MACROD2: variants seen among roughly 807,000 people sequenced by gnomAD.
MACROD2 encodes mono-ADP ribosylhydrolase 2, also known as ADP-ribose glycohydrolase MACROD2.
In MACROD2, 36 loss-of-function variants were observed where a neutral mutation model predicts 70.4. The ratio of observed to expected loss-of-function variants is 0.51; its 90% confidence interval spans 0.39 to 0.68. The LOEUF (loss-of-function observed/expected upper bound fraction) is 0.68, where lower values mean the gene tolerates loss of function less well. Ranked by LOEUF, MACROD2 falls within the 30% of genes least tolerant of loss-of-function variation. MACROD2 has a pLI of 0.00. For synonymous variants in MACROD2, 172 were observed against 178.8 expected, an observed-to-expected ratio of 0.96 and a Z score of 0.30; for missense variants, 496 against 538.4, an observed-to-expected ratio of 0.92 and a Z score of 0.78.
chr20:15,147,070 C>T (rs992524161), intron 5 of MACROD2, among the ~76,000 whole-genome samples: 3 of 152,056 alleles, frequency 2.0e-5, no homozygotes, highest in South Asian at 2.1e-4. Context: ...TAACTTAATG[C>T]CCTTGAAATT....
intron 4 of MACROD2, among the ~76,000 whole-genome samples, chr20:14,604,181 T>C (rs1347364616): frequency 6.6e-6 from 1 of 152,168 alleles, no homozygotes; most frequent in African/African-American, 2.4e-5. Context: ...TTTCCTAAGG[T>C]TTTTCCTCTT....
chr20:15,929,499 C>G (rs79825194), intron 10 of MACROD2, among the ~76,000 whole-genome samples: 4,742 of 151,810 alleles, frequency 0.031, 154 homozygotes, highest in African/African-American at 0.079. Flanking sequence ...GACCAATAAT[C>G]TAATCTGCAA....
At chr20:15,330,921 G>T (rs1204509568) in intron 6 of MACROD2, among the ~76,000 whole-genome samples, 1 of 151,546 alleles carries the variant, frequency 6.6e-6, no homozygotes, top group African/African-American at 2.4e-5. Context: ...TCTGCCCCTG[G>T]CTATCTCTTA....
chr20:14,404,025 C>G (rs1396876264), intron 3 of MACROD2, among the ~76,000 whole-genome samples: 2 of 151,792 alleles, frequency 1.3e-5, no homozygotes, highest in Non-Finnish European at 2.9e-5. Context: ...CAAACATAAA[C>G]AGAACTATAA....
At chr20:14,390,037 A>T (rs1463893885) in intron 3 of MACROD2, among the ~76,000 whole-genome samples, 1 of 152,214 alleles carries the variant, frequency 6.6e-6, no homozygotes. Context: ...CTGATAAAAA[A>T]CTTCAACAAA....
chr20:14,246,753 T>A (rs571153819), intron 3 of MACROD2, among the ~76,000 whole-genome samples: 1 of 152,232 alleles, frequency 6.6e-6, no homozygotes, highest in Non-Finnish European at 1.5e-5. Context: ...TAACCCTTTT[T>A]AAAATATAAC....
chr20:16,026,782 A>C (rs1474881646), intron 15 of MACROD2, among the ~76,000 whole-genome samples: 2 of 152,184 alleles, frequency 1.3e-5, no homozygotes, highest in Admixed American at 6.5e-5. Context: ...ACACTTGTTC[A>C]TAAGCCTAAA....
At chr20:15,229,190 A>C (rs2076938124) in intron 5 of MACROD2, among the ~76,000 whole-genome samples, 1 of 152,226 alleles carries the variant, frequency 6.6e-6, no homozygotes, top group Admixed American at 6.5e-5. Context: ...GATTAAAAGA[A>C]TAGCACAATG....
chr20:14,509,804 G>C (rs896874433), intron 4 of MACROD2, among the ~76,000 whole-genome samples: 1 of 151,792 alleles, frequency 6.6e-6, no homozygotes, highest in Admixed American at 6.6e-5. Flanking sequence ...AAGATTTCAT[G>C]TTAATATATT....
At chr20:15,288,808 C>G (rs1487158034) in intron 6 of MACROD2, among the ~76,000 whole-genome samples, 1 of 152,064 alleles carries the variant, frequency 6.6e-6, no homozygotes, top group African/African-American at 2.4e-5. Flanking sequence ...CCTCCATAAT[C>G]AAGTGGGACA....
At chr20:15,852,700 G>A (rs138373469) in intron 8 of MACROD2, among the ~76,000 whole-genome samples, 117 of 152,316 alleles carry the variant, frequency 7.7e-4, no homozygotes, top group Non-Finnish European at 1.5e-3. Context: ...CAGCTTACCT[G>A]TTTCCCGTTT....
intron 3 of MACROD2, among the ~76,000 whole-genome samples, chr20:14,350,018 G>C (rs762585372): frequency 3.3e-5 from 5 of 151,374 alleles, no homozygotes; most frequent in Non-Finnish European, 2.9e-5. Flanking sequence ...CAAAGTGCTG[G>C]GATTACAGGC....
intron 13 of MACROD2, among the ~76,000 whole-genome samples, chr20:15,971,879 G>C (rs1026210106): frequency 6.6e-6 from 1 of 152,114 alleles, no homozygotes; most frequent in African/African-American, 2.4e-5. Flanking sequence ...CACAGGAAAA[G>C]AAAAGTTGAT....
chr20:14,506,470 T>G (rs1600315289), intron 4 of MACROD2, among the ~76,000 whole-genome samples: 1 of 152,100 alleles, frequency 6.6e-6, no homozygotes, highest in East Asian at 1.9e-4. Context: ...GGCTGAAAAC[T>G]TACAATGAAT....
intron 8 of MACROD2, among the ~76,000 whole-genome samples, chr20:15,666,834 C>T (rs915443595): frequency 2.0e-5 from 3 of 152,160 alleles, no homozygotes; most frequent in South Asian, 2.1e-4. Flanking sequence ...TAAAGAAGCA[C>T]GCCCACCTTT....
intron 4 of MACROD2, among the ~76,000 whole-genome samples, chr20:14,654,946 T>A (rs902495174): frequency 2.0e-5 from 3 of 152,148 alleles, no homozygotes; most frequent in Non-Finnish European, 4.4e-5. Flanking sequence ...TTCACACCTG[T>A]AACTCATTAA....
chr20:15,620,290 T>C (rs888953891), intron 8 of MACROD2, among the ~76,000 whole-genome samples: 4 of 152,140 alleles, frequency 2.6e-5, no homozygotes, highest in South Asian at 4.2e-4. Context: ...TGTGTTTGTG[T>C]TGGGGTTTGT....
intron 10 of MACROD2, among the ~76,000 whole-genome samples, chr20:15,915,996 T>A (rs574547129): frequency 1.3e-5 from 2 of 151,918 alleles, no homozygotes; most frequent in Non-Finnish European, 2.9e-5. Flanking sequence ...AGAGGTAAAA[T>A]GTATGAAGAT....
intron 5 of MACROD2, among the ~76,000 whole-genome samples, chr20:14,909,594 C>CTA (rs1375111853): frequency 6.6e-6 from 1 of 151,950 alleles, no homozygotes; most frequent in Non-Finnish European, 1.5e-5. Context: ...ACCTGTATAG[C>CTA]TGCTGTGCAA....
Sources: gnomAD v4.1 joint callset for allele counts (sites outside exome capture counted in the v4.1 genomes callset) on GRCh38, gnomAD v4.1.1 for gene constraint, MANE v1.5 for transcripts, NCBI Gene and HGNC (gene_info 2026-07-23, HGNC 2026-07-21) for gene names.